The following HHAT variants were observed in gnomAD, a reference collection of about 807,000 sequenced individuals.
The protein encoded by HHAT is hedgehog acyltransferase.
A neutral mutation model predicts 70.8 loss-of-function variants in HHAT; 47 were observed. The observed-to-expected ratio is 0.66, with a 90% CI of 0.53 to 0.85. The LOEUF is 0.85. Ranked by LOEUF, HHAT falls within the 40% of genes least tolerant of loss-of-function variation. The probability of loss-of-function intolerance (pLI) is 0.00; values close to 1 mark genes in which losing one functional copy is unlikely to be tolerated. For missense variants in HHAT, 609 were observed against 604.8 expected (o/e 1.01, Z -0.07); for synonymous variants, 228 against 247.6 (o/e 0.92, Z 0.74).
intron 3 of HHAT, among the ~76,000 whole-genome samples, chr1:210,364,923 C>T (rs2088754202): frequency 6.6e-6 from 1 of 152,218 alleles, no homozygotes; most frequent in South Asian, 2.1e-4. Context: ...ACAAATCTGT[C>T]CATCCCTCTG....
At chr1:210,384,440 T>G (rs2090891990) in intron 3 of HHAT, among the ~76,000 whole-genome samples, 1 of 152,202 alleles carries the variant, frequency 6.6e-6, no homozygotes, top group Non-Finnish European at 1.5e-5. Flanking sequence ...TCATGTAGAT[T>G]GGTCCCCAGG....
chr1:210,355,863 G>C (rs377028440), intron 2 of HHAT, among the ~76,000 whole-genome samples: 1 of 152,086 alleles, frequency 6.6e-6, no homozygotes, highest in Non-Finnish European at 1.5e-5. Flanking sequence ...ACCTTTCAGG[G>C]TTATTGGTAT....
intron 4 of HHAT, among the ~76,000 whole-genome samples, chr1:210,397,628 G>A (rs2091863361): frequency 6.6e-6 from 1 of 151,760 alleles, no homozygotes; most frequent in Non-Finnish European, 1.5e-5. Flanking sequence ...TGATAGTTAA[G>A]CATTTTTACT....
intron 1 of HHAT, among the ~76,000 whole-genome samples, chr1:210,333,298 C>T (rs539160525): frequency 6.6e-6 from 1 of 152,302 alleles, no homozygotes; most frequent in East Asian, 1.9e-4. Flanking sequence ...GCTAGCATCA[C>T]TTGTAGTCCC....
intron 9 of HHAT, among the ~76,000 whole-genome samples, chr1:210,577,572 T>C (rs1200368760): frequency 1.3e-5 from 2 of 151,900 alleles, no homozygotes; most frequent in Non-Finnish European, 2.9e-5. Flanking sequence ...ACTGTTGAAT[T>C]TGGTTTGCTA....
chr1:210,527,024 C>CA (rs765886550), intron 9 of HHAT, among the ~76,000 whole-genome samples: 3 of 152,076 alleles, frequency 2.0e-5, no homozygotes, highest in Non-Finnish European at 2.9e-5. Flanking sequence ...CCTGAGTGAT[C>CA]AGAGGATCTT....
chr1:210,547,732 C>G (rs916465207), intron 9 of HHAT, among the ~76,000 whole-genome samples: 10 of 152,174 alleles, frequency 6.6e-5, no homozygotes, highest in African/African-American at 2.4e-4. Context: ...ATTCAGACTT[C>G]CGAGTTTCCC....
intron 8 of HHAT, among the ~76,000 whole-genome samples, chr1:210,506,809 C>T (rs184244058): frequency 2.0e-5 from 3 of 152,282 alleles, no homozygotes; most frequent in African/African-American, 7.2e-5. Context: ...TTATTACAGG[C>T]CTATCATTCA....
intron 9 of HHAT, among the ~76,000 whole-genome samples, chr1:210,545,224 C>T (rs1173823421): frequency 2.0e-5 from 3 of 152,164 alleles, no homozygotes; most frequent in Non-Finnish European, 4.4e-5. Flanking sequence ...TCTTACCTCT[C>T]GTACCTCTGC....
At chr1:210,493,181 G>T (rs2094577728) in intron 8 of HHAT, among the ~76,000 whole-genome samples, 1 of 151,878 alleles carries the variant, frequency 6.6e-6, no homozygotes, top group South Asian at 2.1e-4. Flanking sequence ...GAGATCTATG[G>T]GTCTTATGGT....
At chr1:210,473,424 G>T (rs1180677612) in intron 8 of HHAT, among the ~76,000 whole-genome samples, 1 of 152,138 alleles carries the variant, frequency 6.6e-6, no homozygotes, top group East Asian at 1.9e-4. Flanking sequence ...CCTTAGCCAA[G>T]AGGAGGGGTC....
At chr1:210,418,053 C>G in intron 6 of HHAT, 101 bp from the exon 7 acceptor site, 1 of 1,104,118 alleles carries the variant, frequency 9.1e-7, no homozygotes, top group Non-Finnish European at 1.4e-6. Context: ...TGTCAGCTGG[C>G]ATAGCAATAA....
intron 1 of HHAT, among the ~76,000 whole-genome samples, chr1:210,335,803 G>A (rs1271700294): frequency 1.3e-5 from 2 of 152,236 alleles, no homozygotes; most frequent in East Asian, 1.9e-4. Flanking sequence ...AAATGTGAAC[G>A]CTAAAACAAA....
intron 9 of HHAT, among the ~76,000 whole-genome samples, chr1:210,514,713 G>A (rs141739603): frequency 2.6e-5 from 4 of 152,166 alleles, no homozygotes; most frequent in East Asian, 1.9e-4. Context: ...AAGGACAAGG[G>A]GGGTGAGGCA....
At chr1:210,595,106 T>C (rs895552052) in intron 10 of HHAT, among the ~76,000 whole-genome samples, 8 of 152,094 alleles carry the variant, frequency 5.3e-5, no homozygotes, top group East Asian at 1.9e-4. Context: ...CTAATGCTAT[T>C]CCTCCCCACT....
chr1:210,446,960 C>T (rs1269641660), intron 7 of HHAT, among the ~76,000 whole-genome samples: 1 of 152,178 alleles, frequency 6.6e-6, no homozygotes, highest in African/African-American at 2.4e-5. Flanking sequence ...GGTGTCCCCA[C>T]TGCCTAAAAC....
At chr1:210,592,179 C>G (rs1661864413) in intron 10 of HHAT, among the ~76,000 whole-genome samples, 3 of 151,966 alleles carry the variant, frequency 2.0e-5, no homozygotes, top group Non-Finnish European at 2.9e-5. Flanking sequence ...TAATTTAAGT[C>G]TGTAGTTCAT....
chr1:210,665,951 T>C (rs1678798320), intron 11 of HHAT, among the ~76,000 whole-genome samples: 1 of 152,256 alleles, frequency 6.6e-6, no homozygotes, highest in Admixed American at 6.5e-5. Context: ...GTGTATTCTT[T>C]GTTGTAAATG....
intron 1 of HHAT, among the ~76,000 whole-genome samples, chr1:210,334,128 A>G (rs779754502): frequency 6.9e-6 from 1 of 145,922 alleles, no homozygotes; most frequent in African/African-American, 2.5e-5. Context: ...ATACAACCCT[A>G]CTTAGTGGTT....
Sources: gnomAD v4.1 joint callset for allele counts (sites outside exome capture counted in the v4.1 genomes callset) on GRCh38, gnomAD v4.1.1 for gene constraint, MANE v1.5 for transcripts, NCBI Gene and HGNC (gene_info 2026-07-23, HGNC 2026-07-21) for gene names.